The following MICU3 variants were observed in gnomAD, a reference collection of about 807,000 sequenced individuals.
The protein encoded by MICU3 is mitochondrial calcium uptake 3.
Under a neutral mutation model 66.5 loss-of-function variants are expected in MICU3, and 62 were observed. That is an observed-to-expected ratio of 0.93 (90% CI 0.76 to 1.15). MICU3 has a LOEUF of 1.15. Ranked by LOEUF, MICU3 falls within the 50% of genes most tolerant of loss-of-function variation. The pLI is 0.00. For synonymous variants in MICU3, 308 were observed against 240.7 expected (o/e 1.28, Z -2.59); for missense variants, 779 against 664.4 (o/e 1.17, Z -1.90).
chr8:17,057,590 A>G (rs892749114), intron 1 of MICU3, among the ~76,000 whole-genome samples: 1 of 151,974 alleles, frequency 6.6e-6, no homozygotes, highest in African/African-American at 2.4e-5. Context: ...GAAATTAAGA[A>G]TTTTTCTTAT....
rs775679044 is a variant in MICU3, at chr8:17,105,580, A to G, written c.1253A>G (p.Glu418Gly). 2.0e-6 allele frequency: 3 copies of G among 1,511,480 alleles called. No individual in the cohort carries two copies. The East Asian group carries it at 7.1e-5, about 36-fold the overall frequency. The allele number at this position is 1,511,480 out of a possible 1,614,324, so 93.6% of individuals were successfully genotyped here. Residue 418 changes from glutamate (E) to glycine (G), a missense_variant, in exon 11 of 15, where the codon GAA becomes GGA. Transcript: ENST00000318063. ...AATGTGCGTTACAGTATACCTGAAGAAAAGGTATCTAATCCTCATATTTAG... is the reference window on the plus strand; with the variant it reads ...AATGTGCGTTACAGTATACCTGAAGGAAAGGTATCTAATCCTCATATTTAG... ...LENVRYSIPEEKGITFDEFRS... is the reference protein window; with the variant it reads ...LENVRYSIPEGKGITFDEFRS...
intron 14 of MICU3, among the ~76,000 whole-genome samples, chr8:17,119,556 G>GATAGATAGATAGATAA (rs1554541276): frequency 0.033 from 5,057 of 151,056 alleles, 277 homozygotes; most frequent in African/African-American, 0.11. Flanking sequence ...TAGATAGATA[G>GATAGATAGATAGATAA]ATAGATAGAT....
At chr8:17,067,807 G>A (rs559266884) in intron 2 of MICU3, among the ~76,000 whole-genome samples, 1 of 152,066 alleles carries the variant, frequency 6.6e-6, no homozygotes, top group Admixed American at 6.5e-5. Context: ...TAAAATCATA[G>A]CCATTATTTT....
In MICU3 at chr8:17,077,829, C is replaced by T. The variant is rs537594168; in HGVS notation, c.614C>T (p.Ser205Leu). The change falls in exon 4 of 15, where the codon TCA becomes TTA. Residue 205 changes from serine (S) to leucine (L), a missense_variant. Coordinates refer to ENST00000318063, the MANE Select transcript of MICU3 (RefSeq NM_181723.3). ...GAAACACCACCAGTTTGGAAAGGCT[C>T]ATCGAAGCTATTTCGAAATCTTAAA... ...LAETPPVWKG[S>L]SKLFRNLKEK... is the part of the protein sequence containing the mutation. The T allele has an allele frequency of 6.2e-7, 1 of 1,611,996 alleles. No homozygotes were observed. Among genetic ancestry groups the T allele is most frequent in the East Asian group, 2.2e-5 (1 of 44,762 alleles).
At chr8:17,037,344 G>A (rs1406985842) in intron 1 of MICU3, among the ~76,000 whole-genome samples, 5 of 152,224 alleles carry the variant, frequency 3.3e-5, no homozygotes, top group South Asian at 4.1e-4. Flanking sequence ...GAGAGCGAGC[G>A]AGGACTGTGA....
chr8:17,032,603 A>T lies in MICU3; in HGVS notation c.381+4943A>T, dbSNP rs777940483. Reference sequence around the variant, plus strand: ...CATACATTATTAAGTTTCCTTTACCATATGTTTTCCAGCCTCTTTTGTCAA... The same window carrying T: ...CATACATTATTAAGTTTCCTTTACCTTATGTTTTCCAGCCTCTTTTGTCAA... On this transcript the variant is annotated intron_variant, in intron 1 of 14. Transcript: ENST00000318063. Among the ~76,000 whole-genome samples, 4 of 152,200 alleles carry T rather than the reference A, an allele frequency of 2.6e-5. No individual in the cohort carries two copies. The East Asian group carries it at 7.7e-4, about 29-fold the overall frequency.
At chr8:17,131,159 A>G in the MICU3 span, 1 of 152,234 alleles carries the variant, frequency 6.6e-6, no homozygotes, top group Admixed American at 6.5e-5. Context: ...ATAATGGCAA[A>G]TTGACTAGTG....
At position 17,077,673 on chromosome 8, in the gene MICU3, G is replaced by A. The variant is rs1820578424; in HGVS notation, c.568-110G>A. 8.9e-6 allele frequency: 6 copies of A among 677,266 alleles called. No homozygotes were observed. In the South Asian group the frequency reaches 1.2e-4, roughly 14 times the overall value. 42.0% of individuals were successfully genotyped at this position (677,266 alleles called of 1,614,324 possible). A position where few individuals can be genotyped will look rare whatever the true frequency, so the allele number is the denominator to read the frequency against. ...CATAACATAGGATAAATAATGCCAT[G>A]TTTCAGGTCTTTTAAGTGGAGAATT... On this transcript the variant is annotated intron_variant, in intron 3 of 14. Coordinates refer to ENST00000318063, the MANE Select transcript of MICU3 (RefSeq NM_181723.3).
At chr8:17,134,145 G>A in the MICU3 span, 2 of 152,166 alleles carry the variant, frequency 1.3e-5, no homozygotes, top group Non-Finnish European at 2.9e-5. Context: ...GTTCTCCAGA[G>A]AAACAGAACC....
chr8:17,040,568 A>C (rs1365575346), intron 1 of MICU3, among the ~76,000 whole-genome samples: 1 of 152,236 alleles, frequency 6.6e-6, no homozygotes, highest in Non-Finnish European at 1.5e-5. Flanking sequence ...GTAATGGTGA[A>C]TTTAGTAACT....
chr8:17,056,232 T>C (rs907501752), intron 1 of MICU3, among the ~76,000 whole-genome samples: 2 of 152,224 alleles, frequency 1.3e-5, no homozygotes, highest in African/African-American at 2.4e-5. Flanking sequence ...GCTCCTCTTA[T>C]CTACTTACTC....
intron 9 of MICU3, among the ~76,000 whole-genome samples, 200 bp downstream of exon 9, chr8:17,098,753 A>T (rs983971702): frequency 6.6e-6 from 1 of 151,664 alleles, no homozygotes; most frequent in Non-Finnish European, 1.5e-5. Context: ...AGGAAATGGC[A>T]TTTTTTTTAA....
rs1014134891 is a variant in MICU3, at chr8:17,029,687, C to T, written c.381+2027C>T. Among the ~76,000 whole-genome samples the T allele has an allele frequency of 3.9e-5, 6 of 152,002 alleles. No homozygotes were observed. In the East Asian group the frequency reaches 1.2e-3, roughly 29 times the overall value. ...TGAAAACTTTTATGATCTGTTTATC[C>T]CTGGTGCTTGAAATTTTCACAGTAA... is the stretch of plus-strand genomic sequence containing the variant. On this transcript the variant is annotated intron_variant, in intron 1 of 14. Transcript: ENST00000318063.
At chr8:17,032,311 A>T (rs1447361889) in intron 1 of MICU3, among the ~76,000 whole-genome samples, 1 of 152,216 alleles carries the variant, frequency 6.6e-6, no homozygotes, top group African/African-American at 2.4e-5. Flanking sequence ...TTAGAACCTC[A>T]AAGTTTTAGC....
chr8:17,086,245 C>T (rs1204607702), intron 6 of MICU3, among the ~76,000 whole-genome samples: 1 of 151,988 alleles, frequency 6.6e-6, no homozygotes, highest in African/African-American at 2.4e-5. Flanking sequence ...ACTTCAGAAG[C>T]TGAAACTCAG....
intron 11 of MICU3, among the ~76,000 whole-genome samples, chr8:17,112,424 G>A (rs928249302): frequency 2.0e-5 from 3 of 152,132 alleles, no homozygotes; most frequent in African/African-American, 7.2e-5. Flanking sequence ...GTGAAGAAAT[G>A]GCCACACCCC....
At chr8:17,029,274 G>A (rs1277388079) in intron 1 of MICU3, among the ~76,000 whole-genome samples, 3 of 152,184 alleles carry the variant, frequency 2.0e-5, no homozygotes, top group East Asian at 3.9e-4. Flanking sequence ...TCAGGAGTTC[G>A]AGACAAGCCT....
At chr8:17,082,503 T>C (rs1821340178) in intron 5 of MICU3, among the ~76,000 whole-genome samples, 1 of 152,178 alleles carries the variant, frequency 6.6e-6, no homozygotes, top group Non-Finnish European at 1.5e-5. Context: ...GAAAGTATTA[T>C]TGGTTTACAT....
Position 17,098,004 on chromosome 8 carries a change from T to C in MICU3, c.889-454T>C, listed in dbSNP as rs116319991. 9.7e-3 allele frequency among the ~76,000 whole-genome samples: 1,472 copies of C among 151,162 alleles called. 28 individuals carry two copies. The highest frequency in any genetic ancestry group is 0.034 in the African/African-American group (1,386 of 40,808). On this transcript the variant is annotated intron_variant, in intron 8 of 14. Transcript: ENST00000318063. ...ATTTAAACTTTGTTTCTGTAAAGTA[T>C]AGATAAAGTTATTTTGAGTCTTTGA...
Sources: allele counts gnomAD v4.1 joint callset (sites outside exome capture counted in the v4.1 genomes callset), GRCh38; gene constraint gnomAD v4.1.1; transcripts MANE v1.5; gene names NCBI Gene and HGNC (gene_info 2026-07-23, HGNC 2026-07-21).